MECR: variants seen among roughly 807,000 people sequenced by gnomAD.
MECR encodes the protein enoyl-[acyl-carrier-protein] reductase, mitochondrial.
Under a neutral mutation model 49.1 loss-of-function variants are expected in MECR, and 37 were observed. That is an observed-to-expected ratio of 0.75 (90% CI 0.58 to 0.99). MECR has a LOEUF of 0.99. Among genes scored for constraint, MECR ranks in the 50% least tolerant of loss-of-function variants. MECR has a pLI of 0.00. For missense variants in MECR, 470 were observed against 479.6 expected, an observed-to-expected ratio of 0.98 and a Z score of 0.19; for synonymous variants, 198 against 191.1, an observed-to-expected ratio of 1.04 and a Z score of -0.30.
intron 3 of MECR, among the ~76,000 whole-genome samples, chr1:29,214,963 C>A (rs1309910035): frequency 6.6e-6 from 1 of 152,138 alleles, no homozygotes; most frequent in African/African-American, 2.4e-5. Flanking sequence ...CAAACAAAAT[C>A]CTACTCATTA....
chr1:29,172,964 T>C, the MECR span: 6 of 151,990 alleles, frequency 3.9e-5, no homozygotes, highest in African/African-American at 9.7e-5. Flanking sequence ...TTTAATGTAA[T>C]AGAAAATACA....
Position 29,230,899 on chromosome 1 carries a change from A to C in MECR, c.8T>G (p.Val3Gly), listed in dbSNP as rs775552846. The change falls in exon 1 of 10, where the codon GTC (valine) becomes GGC (glycine). Residue 3 changes from valine to glycine, a missense_variant. Coordinates refer to ENST00000263702, the MANE Select transcript of MECR (RefSeq NM_016011.5). MWVCSTLWRVRTP... is the reference protein window; with the variant it reads MWGCSTLWRVRTP... Reference sequence around the variant, plus strand: ...TCGCACCCGCCACAGGGTACTGCAGACCCACATGCTCGCTCCAACCAACAC... The same window carrying C: ...TCGCACCCGCCACAGGGTACTGCAGCCCCACATGCTCGCTCCAACCAACAC... The C allele has an allele frequency of 3.1e-6, 5 of 1,602,912 alleles. No individual in the cohort carries two copies. Among genetic ancestry groups the C allele is most frequent in the Non-Finnish European group, 4.2e-6 (5 of 1,177,712 alleles).
chr1:29,182,118 C>A, the MECR span: 1 of 185,716 alleles, frequency 5.4e-6, no homozygotes, highest in Non-Finnish European at 1.1e-5. Context: ...CCGCAGCCAG[C>A]TGGCTTCGCC....
chr1:29,177,429 G>A, the MECR span, among the ~76,000 whole-genome samples: 1 of 152,088 alleles, frequency 6.6e-6, no homozygotes, highest in Admixed American at 6.5e-5. Flanking sequence ...TTACAGGCAT[G>A]TGCCACGACG....
downstream of MECR, among the ~76,000 whole-genome samples, chr1:29,190,816 AAAG>A (rs1169550677): frequency 6.6e-6 from 1 of 151,800 alleles, no homozygotes; most frequent in Non-Finnish European, 1.5e-5. Flanking sequence ...AAAAAAAAAA[AAAG>A]AGGTTCCTAA....
rs2151858226 is a variant in MECR, at chr1:29,201,398, C to T, written c.756+545G>A. On this transcript the variant is annotated intron_variant, in intron 6 of 9. Transcript: ENST00000263702. The surrounding 1 kb of genome is among the most constrained non-coding windows in gnomAD (Gnocchi z 4.3). ...CTAGGCATGTTGTGGGGTGGAGGTT[C>T]TGGAAGGTTAAGAGGCTTTGAGTTC... 1 of 533,002 alleles carries T rather than the reference C, an allele frequency of 1.9e-6. No homozygotes were observed. Among genetic ancestry groups the T allele is most frequent in the South Asian group, 1.4e-5 (1 of 71,372 alleles). 33.0% of individuals were successfully genotyped at this position (533,002 alleles called of 1,614,324 possible).
chr1:29,220,395 C>T (rs533450927), intron 1 of MECR, among the ~76,000 whole-genome samples: 1 of 151,972 alleles, frequency 6.6e-6, no homozygotes, highest in South Asian at 2.1e-4. Context: ...AGTGGGACTC[C>T]GTCTCAAAAG....
At chr1:29,197,634 C>CT (rs1674316692) in intron 7 of MECR, among the ~76,000 whole-genome samples, 1 of 152,190 alleles carries the variant, frequency 6.6e-6, no homozygotes, top group East Asian at 1.9e-4. Flanking sequence ...ATGGAAGGAG[C>CT]TGCTGTCCTA....
Position 29,203,162 on chromosome 1 carries a change from C to G in MECR, c.622G>C (p.Gly208Arg). ...QAVIQIAAALGLRTINVVRDR... is the reference protein window; with the variant it reads ...QAVIQIAAALRLRTINVVRDR... ...CGGACCACATTGATGGTTCTTAGGC[C>G]CAGGGCTGCGGCGATCTGGATGACT... is the stretch of plus-strand genomic sequence containing the variant. Residue 208 changes from glycine to arginine, a missense_variant, in exon 5 of 10, where the codon GGC (glycine) becomes CGC (arginine). By Grantham distance (125) the Gly-to-Arg change is moderately radical (BLOSUM62 -2). Coordinates refer to ENST00000263702, the MANE Select transcript of MECR (RefSeq NM_016011.5). 1 of 1,583,476 alleles carries G rather than the reference C, an allele frequency of 6.3e-7. No homozygotes were observed. The highest frequency in any genetic ancestry group is 8.6e-7 in the Non-Finnish European group (1 of 1,161,206).
At chr1:29,213,053 T>C (rs1162181757) in intron 3 of MECR, among the ~76,000 whole-genome samples, 1 of 152,246 alleles carries the variant, frequency 6.6e-6, no homozygotes, top group Non-Finnish European at 1.5e-5. Flanking sequence ...GAAGCCTTTC[T>C]TAACGCTTTC....
At chr1:29,220,015 G>A (rs1680373218) in intron 1 of MECR, among the ~76,000 whole-genome samples, 1 of 152,014 alleles carries the variant, frequency 6.6e-6, no homozygotes, top group African/African-American at 2.4e-5. Context: ...GCTCCCAGAG[G>A]GCAGAGAAGT....
At chr1:29,175,694 CAAAA>C in the MECR span, among the ~76,000 whole-genome samples, 957 of 38,418 alleles carry the variant, frequency 0.025, 17 homozygotes, top group East Asian at 0.33. Context: ...GACGCTGTCT[CAAAA>C]AAAAAAAAAA....
At chr1:29,180,345 TAGAAA>T in the MECR span, among the ~76,000 whole-genome samples, 5 of 152,246 alleles carry the variant, frequency 3.3e-5, no homozygotes, top group Admixed American at 1.3e-4. Context: ...CGTTTTACTG[TAGAAA>T]AGGAGTAGTT....
At position 29,228,900 on chromosome 1, in the gene MECR, G is replaced by C. The variant is rs147619658; in HGVS notation, c.176+1831C>G. On this transcript the variant is annotated intron_variant, in intron 1 of 9. Transcript: ENST00000263702. ...GAGCACCTGTTTTGTGGCAGGTCCTGCTGCAGACACAAACTACAAGTCCGT... is the reference window on the plus strand; with the variant it reads ...GAGCACCTGTTTTGTGGCAGGTCCTCCTGCAGACACAAACTACAAGTCCGT... The C allele has an allele frequency of 3.1e-3, 467 of 152,268 alleles. 1 individual carries two copies. The highest frequency in any genetic ancestry group is 0.017 in the Middle Eastern group (5 of 294). The allele number at this position is 152,268 out of a possible 1,614,324, so 9.4% of individuals were successfully genotyped here. A position where few individuals can be genotyped will look rare whatever the true frequency, so the allele number is the denominator to read the frequency against.
intron 3 of MECR, among the ~76,000 whole-genome samples, chr1:29,208,385 T>C (rs1677132241): frequency 6.6e-6 from 1 of 152,194 alleles, no homozygotes; most frequent in Admixed American, 6.5e-5. Context: ...TTTGAGAAAA[T>C]TCCTGTCACT....
At chr1:29,218,510 C>T (rs1453273858) in intron 1 of MECR, among the ~76,000 whole-genome samples, 1 of 152,248 alleles carries the variant, frequency 6.6e-6, no homozygotes, top group African/African-American at 2.4e-5. Context: ...CCACCTACTT[C>T]CTGCAGAAAT....
the MECR span, among the ~76,000 whole-genome samples, chr1:29,187,270 G>A: frequency 5.4e-4 from 82 of 152,294 alleles, 1 homozygote; most frequent in African/African-American, 1.9e-3. Flanking sequence ...CTAGAGTGCA[G>A]TGGTGAGATC....
chr1:29,224,734 G>A (rs937257025), intron 1 of MECR: 2 of 152,220 alleles, frequency 1.3e-5, no homozygotes, highest in African/African-American at 2.4e-5. Context: ...AGTAACTGAA[G>A]ATAATTGGAG....
intron 3 of MECR, among the ~76,000 whole-genome samples, chr1:29,212,495 T>C (rs1180505420): frequency 1.3e-5 from 2 of 152,184 alleles, no homozygotes; most frequent in Non-Finnish European, 2.9e-5. Context: ...CACCACCACA[T>C]GTACAATTAC....
Sources: allele counts gnomAD v4.1 joint callset (sites outside exome capture counted in the v4.1 genomes callset), GRCh38; gene constraint gnomAD v4.1.1; non-coding constraint Gnocchi (gnomAD v3.1); transcripts MANE v1.5; gene names NCBI Gene and HGNC (gene_info 2026-07-23, HGNC 2026-07-21).